SLC9A8: variants seen among roughly 807,000 people sequenced by gnomAD.
SLC9A8 encodes the protein solute carrier family 9 member A8.
Under a neutral mutation model 66.6 loss-of-function variants are expected in SLC9A8, and 48 were observed. The observed-to-expected ratio is 0.72, with a 90% CI of 0.57 to 0.92. The LOEUF (loss-of-function observed/expected upper bound fraction) is 0.92. Ranked by LOEUF, SLC9A8 falls within the 40% of genes least tolerant of loss-of-function variation. SLC9A8 has a pLI of 0.00. For missense variants in SLC9A8, 599 were observed against 747.3 expected (o/e 0.80, Z 2.31); for synonymous variants, 274 against 282.6 (o/e 0.97, Z 0.31).
rs552536459 is a variant in SLC9A8 at position 49,827,146 on chromosome 20, C to T, written c.289+4005C>T. Among the ~76,000 whole-genome samples, 34 of 151,228 alleles carry T rather than the reference C, an allele frequency of 2.2e-4. No individual in the cohort carries two copies. The East Asian group carries it at 5.7e-3, about 25-fold the overall frequency. On this transcript the variant is annotated intron_variant, in intron 3 of 15. Coordinates refer to ENST00000361573, the MANE Select transcript of SLC9A8 (RefSeq NM_015266.3). ...TAGTGGAGACAGGGTTTCACCATGTCGGCCAGGCTGGTCTCGAACTCCTGA... is the reference window on the plus strand; with the variant it reads ...TAGTGGAGACAGGGTTTCACCATGTTGGCCAGGCTGGTCTCGAACTCCTGA...
rs71335517 is a variant in SLC9A8, at chr20:49,834,139, GTCTCTCTCTCTCTCTCTC to G, written c.290-5372_290-5355del. On this transcript the variant is annotated intron_variant, in intron 3 of 15. Coordinates refer to ENST00000361573, the MANE Select transcript of SLC9A8 (RefSeq NM_015266.3). ...TGGTGCACGCTTGTAATATTAGCTTGTCTCTCTCTCTCTCTCTCTCTCTCTCTCTCTCTCTCTCTCTCT... is the reference window on the plus strand; with the variant it reads ...TGGTGCACGCTTGTAATATTAGCTTGTCTCTCTCTCTCTCTCTCTCTCTCT... Among the ~76,000 whole-genome samples the G allele has an allele frequency of 1.5e-3, 99 of 65,388 alleles. 1 individual carries two copies. Among genetic ancestry groups the G allele is most frequent in the East Asian group, 0.015 (34 of 2,314 alleles). 42.9% of individuals were successfully genotyped at this position (65,388 alleles called of 152,430 possible). A position where few individuals can be genotyped will look rare whatever the true frequency, so the allele number is the denominator to read the frequency against.
intron 7 of SLC9A8, among the ~76,000 whole-genome samples, chr20:49,851,479 C>A (rs1346047529): frequency 6.6e-6 from 1 of 152,192 alleles, no homozygotes; most frequent in Non-Finnish European, 1.5e-5. Context: ...TCTGGGTTCC[C>A]CCCTCTGAGA....
intron 10 of SLC9A8, among the ~76,000 whole-genome samples, chr20:49,870,332 T>C (rs2089165197): frequency 2.0e-5 from 3 of 152,154 alleles, no homozygotes; most frequent in Admixed American, 2.0e-4. Context: ...GAGAGTGGCA[T>C]GTGGTAGAGA....
intron 3 of SLC9A8, among the ~76,000 whole-genome samples, chr20:49,832,078 C>T (rs1600668540): frequency 1.3e-5 from 2 of 152,160 alleles, no homozygotes; most frequent in African/African-American, 4.8e-5. Flanking sequence ...ACCTTGGTCT[C>T]CTCCCCGCAG....
At chr20:49,887,745 C>T in intron 15 of SLC9A8, 84 bp from the exon 16 acceptor site, 1 of 1,072,764 alleles carries the variant, frequency 9.3e-7, no homozygotes, top group Non-Finnish European at 1.4e-6. Context: ...CTAGACACCC[C>T]ACACAAAACA....
chr20:49,861,994 C>A (rs974460588), intron 8 of SLC9A8, among the ~76,000 whole-genome samples: 2 of 152,068 alleles, frequency 1.3e-5, no homozygotes, highest in African/African-American at 2.4e-5. Flanking sequence ...ACTCCCCAGG[C>A]CTTCAAGCTG....
At chr20:49,815,436 T>G (rs1391763303) in intron 2 of SLC9A8, 1 of 346,360 alleles carries the variant, frequency 2.9e-6, no homozygotes, top group African/African-American at 2.1e-5. Context: ...AAAGAAGGAT[T>G]AAAAAAATTT....
intron 10 of SLC9A8, among the ~76,000 whole-genome samples, chr20:49,873,221 C>A (rs1166027109): frequency 1.3e-5 from 2 of 152,188 alleles, no homozygotes; most frequent in East Asian, 3.9e-4. Context: ...GTGGCTCACA[C>A]TTATAATCCC....
chr20:49,887,563 G>T (rs2089935960), intron 15 of SLC9A8, among the ~76,000 whole-genome samples: 1 of 152,138 alleles, frequency 6.6e-6, no homozygotes. Context: ...TGGGAGCAGA[G>T]CTAACTGTGT....
chr20:49,849,998 A>G (rs191192479), intron 6 of SLC9A8, among the ~76,000 whole-genome samples: 1 of 152,386 alleles, frequency 6.6e-6, no homozygotes, highest in African/African-American at 2.4e-5. Flanking sequence ...ATATGCCATC[A>G]AGAACTTCAA....
intron 10 of SLC9A8, among the ~76,000 whole-genome samples, chr20:49,871,246 A>C (rs1426469105): frequency 6.6e-6 from 1 of 152,198 alleles, no homozygotes; most frequent in Non-Finnish European, 1.5e-5. Flanking sequence ...TACATACAGT[A>C]AGGCACGGTA....
intron 7 of SLC9A8, among the ~76,000 whole-genome samples, chr20:49,854,559 C>T (rs1226624541): frequency 1.9e-5 from 1 of 53,630 alleles, no homozygotes; most frequent in African/African-American, 6.4e-5. Context: ...TTTCCTGGGT[C>T]ACATGTGGTA....
rs191882403 is a variant in SLC9A8, at chr20:49,853,316, G to A, written c.570-2122G>A. 5.9e-5 allele frequency among the ~76,000 whole-genome samples: 9 copies of A among 152,150 alleles called. No individual in the cohort carries two copies. The East Asian group carries it at 1.7e-3, about 29-fold the overall frequency. On this transcript the variant is annotated intron_variant, in intron 7 of 15. Transcript: ENST00000361573. ...GCGGCACCACTTCCGGCTAATTTTTGTGTGTGTAGAGATAGGGTTCTCTCT... is the reference window on the plus strand; with the variant it reads ...GCGGCACCACTTCCGGCTAATTTTTATGTGTGTAGAGATAGGGTTCTCTCT...
Position 49,886,527 on chromosome 20 carries a change from T to A in SLC9A8, c.1492-225T>A. 1 of 478,160 alleles carries A rather than the reference T, an allele frequency of 2.1e-6. No individual in the cohort carries two copies. The highest frequency in any genetic ancestry group is 3.6e-5 in the South Asian group (1 of 27,712). The allele number at this position is 478,160 out of a possible 1,614,324, so 29.6% of individuals were successfully genotyped here. A position where few individuals can be genotyped will look rare whatever the true frequency, so the allele number is the denominator to read the frequency against. On this transcript the variant is annotated intron_variant, in intron 14 of 15. Transcript: ENST00000361573. This position sits in a 1 kb window ranked among gnomAD's most constrained non-coding sequence, Gnocchi z 4.8. ...CCCCAGCCTGGCCCAGTCCTTCTGT[T>A]TTAGCTGTCCTAGGTGGGGTCCTGG...
chr20:49,853,767 T>C (rs1167026479), intron 7 of SLC9A8, among the ~76,000 whole-genome samples: 1 of 152,170 alleles, frequency 6.6e-6, no homozygotes. Context: ...CTCACAGGCC[T>C]GTGATGACCT....
intron 14 of SLC9A8, among the ~76,000 whole-genome samples, chr20:49,885,078 C>T (rs1205917762): frequency 2.0e-5 from 3 of 152,260 alleles, no homozygotes; most frequent in Non-Finnish European, 4.4e-5. Flanking sequence ...CAGCTGGGCC[C>T]CTCACCCAGT....
chr20:49,872,667 A>G (rs1044523080), intron 10 of SLC9A8, among the ~76,000 whole-genome samples: 3 of 151,998 alleles, frequency 2.0e-5, no homozygotes, highest in African/African-American at 7.2e-5. Context: ...TTGTATTTTT[A>G]GTAGAGACGG....
chr20:49,824,809 C>A (rs1360310415), intron 3 of SLC9A8, among the ~76,000 whole-genome samples: 2 of 152,148 alleles, frequency 1.3e-5, no homozygotes, highest in African/African-American at 4.8e-5. Flanking sequence ...CAAGATTGGT[C>A]TTTGCCATCA....
At chr20:49,827,711 T>C (rs1168474193) in intron 3 of SLC9A8, among the ~76,000 whole-genome samples, 1 of 151,856 alleles carries the variant, frequency 6.6e-6, no homozygotes, top group Admixed American at 6.6e-5. Context: ...CCAAAAATCA[T>C]GCTTTATTTT....
Sources: allele counts gnomAD v4.1 joint callset (sites outside exome capture counted in the v4.1 genomes callset), GRCh38; gene constraint gnomAD v4.1.1; non-coding constraint Gnocchi (gnomAD v3.1); transcripts MANE v1.5; gene names NCBI Gene and HGNC (gene_info 2026-07-23, HGNC 2026-07-21).